BAG3: variants seen among roughly 807,000 people sequenced by gnomAD.
BAG3 encodes BAG family molecular chaperone regulator 3.
A neutral mutation model predicts 40.5 loss-of-function variants in BAG3; 14 were observed. The ratio of observed to expected loss-of-function variants is 0.35; its 90% CI spans 0.23 to 0.54. BAG3 has a LOEUF of 0.54. Among genes scored for constraint, BAG3 ranks in the 20% least tolerant of loss-of-function variants. The pLI, the probability that BAG3 is intolerant of heterozygous loss-of-function variation, is 0.91. For synonymous variants in BAG3, 302 were observed against 307.8 expected, an observed-to-expected ratio of 0.98 and a Z score of 0.20; for missense variants, 788 against 758.6, an observed-to-expected ratio of 1.04 and a Z score of -0.46.
chr10:119,665,138 A>ATTTTTT (rs1442380822), intron 1 of BAG3, among the ~76,000 whole-genome samples: 11 of 82,432 alleles, frequency 1.3e-4, no homozygotes, highest in South Asian at 7.6e-4. Context: ...ATATATATAT[A>ATTTTTT]TATATATTTT....
chr10:119,669,045 A>G (rs1847104149), intron 1 of BAG3, among the ~76,000 whole-genome samples: 2 of 152,196 alleles, frequency 1.3e-5, no homozygotes, highest in Admixed American at 6.5e-5. Context: ...GTGATTAGAC[A>G]GCACCTGGAG....
chr10:119,673,318 G>A (rs988241906), intron 3 of BAG3, among the ~76,000 whole-genome samples: 8 of 152,182 alleles, frequency 5.3e-5, no homozygotes, highest in African/African-American at 1.7e-4. Context: ...TTCAGCTTAG[G>A]GCTGAGCCTG....
At chr10:119,667,968 C>T (rs1389208828) in intron 1 of BAG3, among the ~76,000 whole-genome samples, 1 of 152,256 alleles carries the variant, frequency 6.6e-6, no homozygotes, top group Non-Finnish European at 1.5e-5. Context: ...AGGGTTTCTT[C>T]AGCGCCTCTT....
At chr10:119,671,823 CT>C (rs1291226233) in intron 2 of BAG3, among the ~76,000 whole-genome samples, 1 of 152,148 alleles carries the variant, frequency 6.6e-6, no homozygotes, top group Non-Finnish European at 1.5e-5. Flanking sequence ...GAGTCTCTCT[CT>C]GTTGCCCAGA....
chr10:119,656,166 C>T (rs1234447131), intron 1 of BAG3, among the ~76,000 whole-genome samples: 1 of 152,198 alleles, frequency 6.6e-6, no homozygotes, highest in Non-Finnish European at 1.5e-5. Flanking sequence ...TAATATTGCT[C>T]TTAAATGTTT....
rs1846838776 is a variant in BAG3, at chr10:119,651,550, G to A, written c.-126G>A. ...ACCCCCGCCTTTAATTCATAAAGGTGCCCGGCGCCGGCTTCCCGGACACGT... is the reference window on the plus strand; with the variant it reads ...ACCCCCGCCTTTAATTCATAAAGGTACCCGGCGCCGGCTTCCCGGACACGT... On this transcript the variant is annotated 5_prime_UTR_variant, in exon 1 of 4. Transcript: ENST00000369085. The A allele has an allele frequency of 2.2e-6, 2 of 894,484 alleles. No individual in the cohort carries two copies. The highest frequency in any genetic ancestry group is 1.8e-5 in the African/African-American group (1 of 56,048). The allele number at this position is 894,484 out of a possible 1,614,324, so 55.4% of individuals were successfully genotyped here.
chr10:119,674,165 C>A (rs1847188807), intron 3 of BAG3, among the ~76,000 whole-genome samples: 1 of 152,192 alleles, frequency 6.6e-6, no homozygotes, highest in African/African-American at 2.4e-5. Flanking sequence ...CTGTGGAACA[C>A]CCTCTCTAAA....
At chr10:119,664,333 G>T (rs903191056) in intron 1 of BAG3, among the ~76,000 whole-genome samples, 3 of 152,174 alleles carry the variant, frequency 2.0e-5, no homozygotes, top group African/African-American at 7.2e-5. Flanking sequence ...ACATGCCTCA[G>T]ATTTTTCAGA....
chr10:119,658,861 A>G (rs1846953346), intron 1 of BAG3, among the ~76,000 whole-genome samples: 1 of 152,148 alleles, frequency 6.6e-6, no homozygotes, highest in Non-Finnish European at 1.5e-5. Context: ...CAAAGCCTGA[A>G]CTGATGCATG....
chr10:119,670,270 G>T (rs765085104), intron 2 of BAG3, 93 bp downstream of exon 2: 111 of 1,384,282 alleles, frequency 8.0e-5, no homozygotes, highest in Non-Finnish European at 1.1e-4. Context: ...CCCTGGGCCA[G>T]GCACCTGTTC....
chr10:119,663,859 C>T (rs1490921152), intron 1 of BAG3, among the ~76,000 whole-genome samples: 2 of 152,152 alleles, frequency 1.3e-5, no homozygotes, highest in African/African-American at 4.8e-5. Context: ...CTTCCTCACA[C>T]ACCTACGGAA....
chr10:119,665,432 G>A lies in BAG3; in HGVS notation c.181-4419G>A, dbSNP rs548700568. ...TGGGATTACAGGCGTGAGCCACCGC[G>A]CCCAGCCTAATTTTTGTATTTTTTT... On this transcript the variant is annotated intron_variant, in intron 1 of 3. Coordinates refer to ENST00000369085, the MANE Select transcript of BAG3 (RefSeq NM_004281.4). 1.7e-4 allele frequency among the ~76,000 whole-genome samples: 26 copies of A among 151,874 alleles called. No individual in the cohort carries two copies. In the South Asian group the frequency reaches 4.6e-3, roughly 27 times the overall value.
In BAG3 at chr10:119,670,029, A is replaced by T. The variant is rs1847125036; in HGVS notation, c.359A>T (p.Gln120Leu). 1 of 1,614,226 alleles carries T rather than the reference A, an allele frequency of 6.2e-7. No individual in the cohort carries two copies. The highest frequency in any genetic ancestry group is 8.5e-7 in the Non-Finnish European group (1 of 1,180,042). ...PFHVYPQPGM[Q>L]RFRTEAAAAA... ...CATGTCTATCCCCAGCCTGGGATGC[A>T]GCGATTCCGAACTGAGGCGGCAGCA... The change falls in exon 2 of 4, where the codon CAG (glutamine) becomes CTG (leucine). Residue 120 changes from glutamine to leucine, a missense_variant. Gln to Leu is a moderately radical substitution (Grantham distance 113). Transcript: ENST00000369085.
chr10:119,664,889 A>G (rs1026547739), intron 1 of BAG3, among the ~76,000 whole-genome samples: 3 of 152,206 alleles, frequency 2.0e-5, no homozygotes, highest in Non-Finnish European at 2.9e-5. Flanking sequence ...AGAAAGGGCA[A>G]TTTAACTCTT....
At chr10:119,662,705 A>T (rs192632790) in intron 1 of BAG3, among the ~76,000 whole-genome samples, 5 of 152,204 alleles carry the variant, frequency 3.3e-5, no homozygotes, top group African/African-American at 1.2e-4. Context: ...GTAGATGTGG[A>T]GCCCACTTTT....
At chr10:119,669,315 A>C (rs1589628433) in intron 1 of BAG3, among the ~76,000 whole-genome samples, 1 of 152,298 alleles carries the variant, frequency 6.6e-6, no homozygotes, top group South Asian at 2.1e-4. Context: ...TTGTTCTAAC[A>C]ATACTCCTGA....
At chr10:119,664,914 T>C (rs1269614423) in intron 1 of BAG3, among the ~76,000 whole-genome samples, 1 of 151,928 alleles carries the variant, frequency 6.6e-6, no homozygotes, top group South Asian at 2.1e-4. Context: ...GTGGTGTTTT[T>C]TGTGTGTGTG....
In BAG3 at chr10:119,676,495, T is replaced by C; in HGVS notation, c.941T>C (p.Val314Ala). The change falls in exon 4 of 4, where the codon GTT (valine) becomes GCT (alanine). Residue 314 changes from valine to alanine, a missense_variant. Transcript: ENST00000369085. ...ATGACCCATCGAGAAACTGCACCTG[T>C]TTCCCAGCCTGAAAACAAACCAGAA... Reference protein sequence around the residue: ...QPMTHRETAPVSQPENKPESK... With the variant: ...QPMTHRETAPASQPENKPESK... 1 of 1,613,988 alleles carries C rather than the reference T, an allele frequency of 6.2e-7. No individual in the cohort carries two copies. Among genetic ancestry groups the C allele is most frequent in the Middle Eastern group, 1.6e-4 (1 of 6,062 alleles).
In BAG3 at chr10:119,677,323, T is replaced by C. The variant is rs750882801; in HGVS notation, c.*41T>C. On this transcript the variant is annotated 3_prime_UTR_variant, in exon 4 of 4. Transcript: ENST00000369085. ...AATCAGACTCGGAACCGATGTGTGC[T>C]TTAGGGAATTTTAAGTTGCATGCAT... is the stretch of plus-strand genomic sequence containing the variant. 9 of 1,610,460 alleles carry C rather than the reference T, an allele frequency of 5.6e-6. No individual in the cohort carries two copies. In the Admixed American group the frequency reaches 8.4e-5, roughly 15 times the overall value.
Sources: gnomAD v4.1 joint callset for allele counts (sites outside exome capture counted in the v4.1 genomes callset) on GRCh38, gnomAD v4.1.1 for gene constraint, MANE v1.5 for transcripts, NCBI Gene and HGNC (gene_info 2026-07-23, HGNC 2026-07-21) for gene names.